The following MCC variants were observed in gnomAD, a reference collection of about 807,000 sequenced individuals.
MCC encodes the protein MCC regulator of Wnt signaling pathway.
Under a neutral mutation model 116.2 loss-of-function variants are expected in MCC, and 90 were observed. That is an observed-to-expected ratio of 0.77 (90% CI 0.65 to 0.92). The LOEUF (loss-of-function observed/expected upper bound fraction) is 0.92, where lower values mean the gene tolerates loss of function less well. Ranked by LOEUF, MCC falls within the 40% of genes least tolerant of loss-of-function variation. The pLI, the probability that MCC is intolerant of heterozygous loss-of-function variation, is 0.00. For missense variants in MCC, 1,516 were observed against 1,312.2 expected (o/e 1.16, Z -2.40); for synonymous variants, 578 against 510.5 (o/e 1.13, Z -1.78).
At position 113,359,699 on chromosome 5, in the gene MCC, A is replaced by C. The variant is rs958266302; in HGVS notation, c.416-18969T>G. On this transcript the variant is annotated intron_variant, in intron 2 of 18. Transcript: ENST00000408903. ...ACTATGTATATTGAAGGAGATAAGC[A>C]AGAAGGTTGATTCAGGGCTGAAGAA... 2.6e-5 allele frequency among the ~76,000 whole-genome samples: 4 copies of C among 152,238 alleles called. No individual in the cohort carries two copies. In the South Asian group the frequency reaches 8.3e-4, roughly 31 times the overall value.
At chr5:113,417,485 A>G (rs913762993) in intron 1 of MCC, among the ~76,000 whole-genome samples, 1 of 152,246 alleles carries the variant, frequency 6.6e-6, no homozygotes, top group African/African-American at 2.4e-5. Flanking sequence ...GCACCAGTGC[A>G]GCAAAGGAGG....
rs956618460 is a variant in MCC at position 113,024,455 on chromosome 5, G to GAAAT, written c.*2843_*2846dup. On this transcript the variant is annotated 3_prime_UTR_variant, in exon 19 of 19. Transcript: ENST00000408903. ...TTTGTTTGCCTCAGTCCAACAATGG[G>GAAAT]AAATATATTCCAAGGGAACTGTGAA... 3 of 152,174 alleles carry GAAAT rather than the reference G, an allele frequency of 2.0e-5. No individual in the cohort carries two copies. The highest frequency in any genetic ancestry group is 2.1e-4 in the South Asian group (1 of 4,828). The allele number at this position is 152,174 out of a possible 1,614,324, so 9.4% of individuals were successfully genotyped here.
At chr5:113,297,393 T>A (rs1387418442) in intron 3 of MCC, among the ~76,000 whole-genome samples, 1 of 151,918 alleles carries the variant, frequency 6.6e-6, no homozygotes, top group Non-Finnish European at 1.5e-5. Context: ...GGTGATACCC[T>A]GTCTCTAATA....
intron 3 of MCC, among the ~76,000 whole-genome samples, chr5:113,300,119 G>A (rs1369668305): frequency 1.3e-5 from 2 of 152,166 alleles, no homozygotes; most frequent in Non-Finnish European, 2.9e-5. Context: ...TCTCTACATG[G>A]CAGAAACTCT....
At chr5:113,062,169 G>C (rs1267953737) in intron 14 of MCC, among the ~76,000 whole-genome samples, 1 of 152,172 alleles carries the variant, frequency 6.6e-6, no homozygotes, top group East Asian at 1.9e-4. Context: ...ATCCATTTGA[G>C]ACTGAAATTA....
At chr5:113,334,630 G>A (rs56724932) in intron 3 of MCC, among the ~76,000 whole-genome samples, 4,832 of 130,440 alleles carry the variant, frequency 0.037, 376 homozygotes, top group African/African-American at 0.14. Flanking sequence ...TCGCTCTGTC[G>A]CCCAGGCTGG....
At chr5:113,278,193 A>G (rs955825876) in intron 3 of MCC, among the ~76,000 whole-genome samples, 4 of 152,226 alleles carry the variant, frequency 2.6e-5, no homozygotes, top group African/African-American at 7.2e-5. Flanking sequence ...TGGCCCTGCC[A>G]TCTACCAGAC....
chr5:113,406,480 C>T (rs927111174), intron 1 of MCC, among the ~76,000 whole-genome samples: 7 of 152,184 alleles, frequency 4.6e-5, no homozygotes, highest in African/African-American at 9.7e-5. Flanking sequence ...ATAAACGTAA[C>T]GCAGATTCTC....
intron 3 of MCC, among the ~76,000 whole-genome samples, chr5:113,266,205 T>C (rs1308632842): frequency 6.6e-6 from 1 of 151,776 alleles, no homozygotes; most frequent in Non-Finnish European, 1.5e-5. Flanking sequence ...TCAATCTACA[T>C]TTCTTTTGTG....
At chr5:113,466,550 A>G (rs1192956283) in intron 1 of MCC, among the ~76,000 whole-genome samples, 4 of 152,050 alleles carry the variant, frequency 2.6e-5, no homozygotes, top group African/African-American at 4.8e-5. Flanking sequence ...TCCATGGTGT[A>G]TATGTGCCAC....
chr5:113,207,310 G>GA (rs369703619), intron 3 of MCC, among the ~76,000 whole-genome samples: 129 of 152,280 alleles, frequency 8.5e-4, no homozygotes, highest in African/African-American at 2.8e-3. Context: ...GATGGCAGAG[G>GA]AAAGATGTTT....
chr5:113,034,932 G>T (rs1012162559), intron 17 of MCC, among the ~76,000 whole-genome samples: 1 of 152,080 alleles, frequency 6.6e-6, no homozygotes, highest in South Asian at 2.1e-4. Context: ...AAAATACTGG[G>T]TGTTGTTTAG....
chr5:113,327,545 CAAA>C (rs1189402090), intron 3 of MCC, among the ~76,000 whole-genome samples: 32 of 57,164 alleles, frequency 5.6e-4, no homozygotes, highest in South Asian at 1.1e-3. Flanking sequence ...GACTCAGTCT[CAAA>C]AAAAAAAAAA....
In MCC at chr5:113,108,984, C is replaced by T. The variant is rs369829433; in HGVS notation, c.1028-4629G>A. On this transcript the variant is annotated intron_variant, in intron 6 of 18. Transcript: ENST00000408903. Reference sequence around the variant, plus strand: ...CTCACAGGAGGACGAGGAGACTGGGCCGCCTGGAGCAGGTATTCTGTGTCC... The same window carrying T: ...CTCACAGGAGGACGAGGAGACTGGGTCGCCTGGAGCAGGTATTCTGTGTCC... 7.9e-5 allele frequency among the ~76,000 whole-genome samples: 12 copies of T among 152,252 alleles called. No homozygotes were observed. In the East Asian group the frequency reaches 2.3e-3, roughly 29 times the overall value.
chr5:113,332,678 AGGG>A (rs1478370110), intron 3 of MCC, among the ~76,000 whole-genome samples: 1 of 151,562 alleles, frequency 6.6e-6, no homozygotes, highest in Non-Finnish European at 1.5e-5. Context: ...CCGTTTTACT[AGGG>A]CCAATAAAAT....
intron 3 of MCC, among the ~76,000 whole-genome samples, chr5:113,212,954 C>T (rs1220215560): frequency 6.6e-6 from 1 of 152,220 alleles, no homozygotes; most frequent in Non-Finnish European, 1.5e-5. Flanking sequence ...CTGTCATTTA[C>T]TTTAATTACT....
intron 3 of MCC, among the ~76,000 whole-genome samples, chr5:113,317,126 C>G (rs553148781): frequency 6.6e-6 from 1 of 152,216 alleles, no homozygotes; most frequent in East Asian, 1.9e-4. Context: ...AAGCGGGATA[C>G]CAGGTTTTGA....
At chr5:113,391,497 T>C (rs774834737) in intron 1 of MCC, among the ~76,000 whole-genome samples, 1 of 152,134 alleles carries the variant, frequency 6.6e-6, no homozygotes, top group Non-Finnish European at 1.5e-5. Flanking sequence ...GGAGGATCAC[T>C]TGAAGCCAGG....
chr5:113,401,826 T>C (rs1769695938), intron 1 of MCC, among the ~76,000 whole-genome samples: 1 of 151,728 alleles, frequency 6.6e-6, no homozygotes, highest in Non-Finnish European at 1.5e-5. Context: ...TTTGTATTTT[T>C]AAAATTTTAC....
Sources: allele counts gnomAD v4.1 joint callset (sites outside exome capture counted in the v4.1 genomes callset), GRCh38; gene constraint gnomAD v4.1.1; transcripts MANE v1.5; gene names NCBI Gene and HGNC (gene_info 2026-07-23, HGNC 2026-07-21).